SPIDR: variants seen among roughly 807,000 people sequenced by gnomAD.
The protein encoded by SPIDR is DNA repair-scaffolding protein.
In SPIDR, 93 loss-of-function variants were observed where a neutral mutation model predicts 104.6. The observed-to-expected ratio is 0.89, with a 90% confidence interval of 0.75 to 1.06. The LOEUF is 1.06. SPIDR is among the 50% of genes least tolerant of loss of function. The pLI, the probability that SPIDR is intolerant of heterozygous loss-of-function variation, is 0.00. For missense variants in SPIDR, 1,154 were observed against 1,111.2 expected (o/e 1.04, Z -0.55); for synonymous variants, 431 against 416.9 (o/e 1.03, Z -0.41).
chr8:47,649,760 T>C (rs992579534), intron 10 of SPIDR, among the ~76,000 whole-genome samples: 3 of 152,208 alleles, frequency 2.0e-5, no homozygotes, highest in Non-Finnish European at 4.4e-5. Flanking sequence ...TAGAACTTTT[T>C]AGTAAATTTG....
chr8:47,674,892 A>G (rs542813006), intron 11 of SPIDR, among the ~76,000 whole-genome samples: 1 of 152,168 alleles, frequency 6.6e-6, no homozygotes, highest in African/African-American at 2.4e-5. Flanking sequence ...CTGCTGAGTG[A>G]CAGCTCTGCC....
At chr8:47,512,925 A>G (rs2154376982) in intron 8 of SPIDR, among the ~76,000 whole-genome samples, 1 of 152,340 alleles carries the variant, frequency 6.6e-6, no homozygotes, top group Non-Finnish European at 1.5e-5. Context: ...CTCTGTAAGA[A>G]TTATGGAAAA....
intron 8 of SPIDR, among the ~76,000 whole-genome samples, chr8:47,574,609 T>C (rs1214275621): frequency 6.6e-6 from 1 of 151,300 alleles, no homozygotes; most frequent in African/African-American, 2.4e-5. Flanking sequence ...TACTAAAAAA[T>C]AAAAATAAAA....
At chr8:47,310,862 C>T (rs1165943486) in intron 5 of SPIDR, among the ~76,000 whole-genome samples, 1 of 152,140 alleles carries the variant, frequency 6.6e-6, no homozygotes, top group African/African-American at 2.4e-5. Flanking sequence ...AAATAGTCTT[C>T]AGAAGAACAT....
intron 5 of SPIDR, among the ~76,000 whole-genome samples, chr8:47,358,480 T>C (rs568576929): frequency 3.3e-5 from 5 of 152,204 alleles, no homozygotes; most frequent in Non-Finnish European, 7.4e-5. Context: ...AAATTTACAA[T>C]GTATACTCAC....
At chr8:47,459,272 G>GT (rs1318294391) in intron 8 of SPIDR, among the ~76,000 whole-genome samples, 4 of 151,796 alleles carry the variant, frequency 2.6e-5, no homozygotes, top group Admixed American at 1.3e-4. Flanking sequence ...GGTCCTGGAA[G>GT]TTTTTTTTCT....
intron 10 of SPIDR, among the ~76,000 whole-genome samples, chr8:47,663,448 A>G (rs1000303803): frequency 6.6e-6 from 1 of 152,240 alleles, no homozygotes; most frequent in Non-Finnish European, 1.5e-5. Flanking sequence ...TATTTAGCAC[A>G]TGAATGGATG....
At chr8:47,353,326 G>A (rs1387266754) in intron 5 of SPIDR, among the ~76,000 whole-genome samples, 4 of 152,118 alleles carry the variant, frequency 2.6e-5, no homozygotes, top group Non-Finnish European at 4.4e-5. Context: ...TAACTTCACC[G>A]CCTCTTACCT....
chr8:47,516,472 T>G (rs1272993272), intron 8 of SPIDR, among the ~76,000 whole-genome samples: 1 of 152,182 alleles, frequency 6.6e-6, no homozygotes. Flanking sequence ...CTATTCTACT[T>G]TCTGCCTGTT....
intron 19 of SPIDR, among the ~76,000 whole-genome samples, chr8:47,734,030 G>A (rs2085735087): frequency 1.3e-5 from 2 of 152,132 alleles, no homozygotes; most frequent in African/African-American, 4.8e-5. Context: ...GACTGATCCT[G>A]ACATTTATTT....
chr8:47,415,516 G>A lies in SPIDR; in HGVS notation c.877+7555G>A, dbSNP rs1041569395. Among the ~76,000 whole-genome samples the A allele has an allele frequency of 3.9e-5, 6 of 152,292 alleles. 1 individual carries two copies. The South Asian group carries it at 1.2e-3, about 32-fold the overall frequency. ...CATGTTGAAACCTAATCACCAGTTTGTTGGTATTAGGAGGTAAGTAAGGCT... is the reference window on the plus strand; with the variant it reads ...CATGTTGAAACCTAATCACCAGTTTATTGGTATTAGGAGGTAAGTAAGGCT... On this transcript the variant is annotated intron_variant, in intron 7 of 19. Coordinates refer to ENST00000297423, the MANE Select transcript of SPIDR (RefSeq NM_001080394.4).
intron 6 of SPIDR, among the ~76,000 whole-genome samples, chr8:47,397,109 C>T (rs915995859): frequency 3.9e-5 from 6 of 152,004 alleles, no homozygotes; most frequent in African/African-American, 1.2e-4. Context: ...GGAAAGATAA[C>T]GTGAAGGAGC....
At chr8:47,337,855 A>G (rs2050057651) in intron 5 of SPIDR, among the ~76,000 whole-genome samples, 1 of 152,150 alleles carries the variant, frequency 6.6e-6, no homozygotes, top group South Asian at 2.1e-4. Flanking sequence ...TAGTATTTCA[A>G]GGTCATGGCA....
At chr8:47,485,762 A>G (rs1554730714) in intron 8 of SPIDR, among the ~76,000 whole-genome samples, 1 of 152,240 alleles carries the variant, frequency 6.6e-6, no homozygotes, top group Non-Finnish European at 1.5e-5. Context: ...GTGGACCTCC[A>G]GCAAACTCCA....
chr8:47,485,566 C>T (rs868943665), intron 8 of SPIDR, among the ~76,000 whole-genome samples: 1 of 152,208 alleles, frequency 6.6e-6, no homozygotes, highest in Non-Finnish European at 1.5e-5. Flanking sequence ...CAAGTGGGTC[C>T]TTGACCCCCG....
intron 8 of SPIDR, among the ~76,000 whole-genome samples, chr8:47,489,037 A>G (rs1283705103): frequency 2.0e-5 from 3 of 152,200 alleles, no homozygotes; most frequent in African/African-American, 7.2e-5. Flanking sequence ...AAGGGTATTC[A>G]ATTAGGAAAA....
chr8:47,524,013 C>A (rs2154381652), intron 8 of SPIDR, among the ~76,000 whole-genome samples: 1 of 152,306 alleles, frequency 6.6e-6, no homozygotes, highest in Non-Finnish European at 1.5e-5. Context: ...GGTGTGGTAG[C>A]TTCTAAAATA....
intron 8 of SPIDR, among the ~76,000 whole-genome samples, chr8:47,455,001 GA>G (rs781818843): frequency 1.3e-5 from 2 of 152,078 alleles, no homozygotes; most frequent in Non-Finnish European, 2.9e-5. Flanking sequence ...CCTTCAGGCT[GA>G]AAGGAAGAAA....
At chr8:47,633,567 A>AAC (rs982555930) in intron 10 of SPIDR, among the ~76,000 whole-genome samples, 24 of 151,196 alleles carry the variant, frequency 1.6e-4, no homozygotes, top group Non-Finnish European at 3.2e-4. Context: ...TGAAAAAAAA[A>AAC]AAAAAACAAA....
Sources: gnomAD v4.1 joint callset for allele counts (sites outside exome capture counted in the v4.1 genomes callset) on GRCh38, gnomAD v4.1.1 for gene constraint, MANE v1.5 for transcripts, NCBI Gene and HGNC (gene_info 2026-07-23, HGNC 2026-07-21) for gene names.